The following DNER variants were observed in gnomAD, a reference collection of about 807,000 sequenced individuals.
The protein encoded by DNER is delta and Notch-like epidermal growth factor-related receptor.
Under a neutral mutation model 78.2 loss-of-function variants are expected in DNER, and 33 were observed. The observed-to-expected ratio is 0.42, with a 90% CI of 0.32 to 0.56. DNER has a LOEUF of 0.56. DNER is among the 20% of genes least tolerant of loss of function. The pLI is 0.11. For synonymous variants in DNER, 417 were observed against 384.8 expected, an observed-to-expected ratio of 1.08 and a Z score of -0.98; for missense variants, 918 against 975.3, an observed-to-expected ratio of 0.94 and a Z score of 0.78.
At chr2:229,397,345 A>T (rs1693167879) in intron 10 of DNER, among the ~76,000 whole-genome samples, 2 of 151,952 alleles carry the variant, frequency 1.3e-5, no homozygotes, top group Admixed American at 1.3e-4. Context: ...ATGTCAAAAG[A>T]TGCAGAAAAC....
intron 1 of DNER, among the ~76,000 whole-genome samples, chr2:229,609,850 G>A (rs2154215135): frequency 6.6e-6 from 1 of 152,328 alleles, no homozygotes; most frequent in East Asian, 1.9e-4. Context: ...CTCTCCCAAT[G>A]AGGCAGGAGT....
chr2:229,498,414 C>G (rs1351031097), intron 6 of DNER, among the ~76,000 whole-genome samples: 1 of 152,130 alleles, frequency 6.6e-6, no homozygotes, highest in Non-Finnish European at 1.5e-5. Context: ...ACTTAATATA[C>G]TAGCCAGAGC....
At chr2:229,669,690 T>G (rs1024376443) in intron 1 of DNER, among the ~76,000 whole-genome samples, 5 of 152,148 alleles carry the variant, frequency 3.3e-5, no homozygotes, top group African/African-American at 1.2e-4. Flanking sequence ...GAATGGGAGT[T>G]CACTCATGAT....
chr2:229,464,614 T>C (rs1194339560), intron 7 of DNER, among the ~76,000 whole-genome samples: 1 of 152,192 alleles, frequency 6.6e-6, no homozygotes, highest in East Asian at 1.9e-4. Flanking sequence ...CCTAGACTAA[T>C]TGGGAGCAGC....
chr2:229,702,240 A>G (rs1404352290), intron 1 of DNER: 1 of 153,668 alleles, frequency 6.5e-6, no homozygotes, highest in Non-Finnish European at 1.5e-5. Context: ...CAATAAATAA[A>G]TAAATGATGA....
intron 5 of DNER, among the ~76,000 whole-genome samples, chr2:229,528,419 A>T (rs987376194): frequency 6.6e-6 from 1 of 152,200 alleles, no homozygotes; most frequent in African/African-American, 2.4e-5. Context: ...TTTTTCCAGC[A>T]TTTACACAGA....
At chr2:229,393,490 A>G (rs1359658290) in intron 10 of DNER, among the ~76,000 whole-genome samples, 1 of 152,120 alleles carries the variant, frequency 6.6e-6, no homozygotes, top group East Asian at 1.9e-4. Flanking sequence ...ATATTAGTAA[A>G]GTTGAAAACA....
Position 229,647,867 on chromosome 2 carries a change from G to A in DNER, c.277-55979C>T, listed in dbSNP as rs139772941. Reference sequence around the variant, plus strand: ...CTATGACATATTTGCATATACATGTGAATAATATTATGAGGGAAATGGTTA... The same window carrying A: ...CTATGACATATTTGCATATACATGTAAATAATATTATGAGGGAAATGGTTA... On this transcript the variant is annotated intron_variant, in intron 1 of 12. Coordinates refer to ENST00000341772, the MANE Select transcript of DNER (RefSeq NM_139072.4). 9.8e-4 allele frequency among the ~76,000 whole-genome samples: 149 copies of A among 152,260 alleles called. 1 individual carries two copies. Among genetic ancestry groups the A allele is most frequent in the African/African-American group, 3.1e-3 (129 of 41,564 alleles).
chr2:229,395,329 A>C (rs1473188794), intron 10 of DNER, among the ~76,000 whole-genome samples: 1 of 152,212 alleles, frequency 6.6e-6, no homozygotes, highest in East Asian at 1.9e-4. Context: ...AAGGCTACAG[A>C]AACATGCCCT....
chr2:229,402,710 G>C (rs953046392), intron 10 of DNER, among the ~76,000 whole-genome samples: 3 of 152,108 alleles, frequency 2.0e-5, no homozygotes, highest in Admixed American at 6.5e-5. Flanking sequence ...TATGGTTTCA[G>C]GTAAAAAAAT....
chr2:229,671,198 GA>G (rs935257663), intron 1 of DNER, among the ~76,000 whole-genome samples: 3 of 152,186 alleles, frequency 2.0e-5, no homozygotes, highest in African/African-American at 7.2e-5. Context: ...AATAAATGAT[GA>G]AAACATTGCT....
intron 1 of DNER, among the ~76,000 whole-genome samples, chr2:229,593,734 G>C (rs764001584): frequency 6.6e-6 from 1 of 152,280 alleles, no homozygotes; most frequent in Admixed American, 6.5e-5. Context: ...CTTGTGGAAC[G>C]GGTGTCACCC....
intron 5 of DNER, among the ~76,000 whole-genome samples, chr2:229,535,127 C>A (rs565085143): frequency 6.6e-6 from 1 of 152,186 alleles, no homozygotes; most frequent in Admixed American, 6.5e-5. Context: ...TGAGCCACCA[C>A]GCCTGGCTGT....
Position 229,476,907 on chromosome 2 carries a change from T to C in DNER, c.1261+233A>G, listed in dbSNP as rs771219939. Among the ~76,000 whole-genome samples, 108 of 147,714 alleles carry C rather than the reference T, an allele frequency of 7.3e-4. 1 individual carries two copies. The highest frequency in any genetic ancestry group is 2.4e-4 in the Non-Finnish European group (16 of 65,980). On this transcript the variant is annotated intron_variant, in intron 7 of 12. Coordinates refer to ENST00000341772, the MANE Select transcript of DNER (RefSeq NM_139072.4). ...TTTTATTATAGCTATTCATTTTCAA[T>C]GTATAAATAAAATCACAGAAAGTCC... is the stretch of plus-strand genomic sequence containing the variant.
intron 10 of DNER, among the ~76,000 whole-genome samples, chr2:229,401,721 T>C (rs1386207914): frequency 6.6e-6 from 1 of 152,192 alleles, no homozygotes; most frequent in African/African-American, 2.4e-5. Context: ...AATTGTACTG[T>C]AGTTTTACAA....
At chr2:229,638,125 A>G (rs73093597) in intron 1 of DNER, among the ~76,000 whole-genome samples, 1,791 of 152,282 alleles carry the variant, frequency 0.012, 36 homozygotes, top group African/African-American at 0.041. Flanking sequence ...TTATATATCA[A>G]TTCTTCCCCA....
chr2:229,507,997 A>T (rs1166410058), intron 6 of DNER, among the ~76,000 whole-genome samples: 1 of 152,238 alleles, frequency 6.6e-6, no homozygotes, highest in Non-Finnish European at 1.5e-5. Context: ...AGTATCAAAA[A>T]TAAAGAATTC....
intron 1 of DNER, among the ~76,000 whole-genome samples, chr2:229,647,638 C>T (rs931689271): frequency 1.1e-4 from 17 of 152,144 alleles, no homozygotes; most frequent in African/African-American, 4.1e-4. Context: ...ATATCTATAA[C>T]TTATATTAGC....
At chr2:229,653,655 A>C (rs1471618432) in intron 1 of DNER, among the ~76,000 whole-genome samples, 1 of 152,096 alleles carries the variant, frequency 6.6e-6, no homozygotes, top group Admixed American at 6.5e-5. Flanking sequence ...CTCATTTTAC[A>C]TTAACTAGTA....
Sources: allele counts gnomAD v4.1 joint callset (sites outside exome capture counted in the v4.1 genomes callset), GRCh38; gene constraint gnomAD v4.1.1; transcripts MANE v1.5; gene names NCBI Gene and HGNC (gene_info 2026-07-23, HGNC 2026-07-21).